Variants in PCDH15 observed in about 807,000 individuals in gnomAD.
The protein encoded by PCDH15 is protocadherin related 15.
In PCDH15, 129 loss-of-function variants were observed where a neutral mutation model predicts 178.5. That is an observed-to-expected ratio of 0.72 (90% CI 0.63 to 0.84). The LOEUF is 0.84. Among genes scored for constraint, PCDH15 ranks in the 40% least tolerant of loss-of-function variants. PCDH15 has a pLI of 0.00. For missense variants in PCDH15, 2,230 were observed against 2,099.9 expected, an observed-to-expected ratio of 1.06 and a Z score of -1.21; for synonymous variants, 800 against 732.0, an observed-to-expected ratio of 1.09 and a Z score of -1.50.
intron 2 of PCDH15, among the ~76,000 whole-genome samples, chr10:55,520,939 C>G (rs911942025): frequency 2.0e-5 from 3 of 151,748 alleles, no homozygotes; most frequent in African/African-American, 7.3e-5. Context: ...GTGTTTGTCT[C>G]TGTGTGTGTT....
chr10:55,161,879 A>C (rs1839075291), intron 2 of PCDH15, among the ~76,000 whole-genome samples: 1 of 152,164 alleles, frequency 6.6e-6, no homozygotes, highest in South Asian at 2.1e-4. Context: ...TCATCTGTTA[A>C]TATTCAACCC....
At chr10:54,567,841 A>G (rs573959181) in intron 2 of PCDH15, among the ~76,000 whole-genome samples, 2 of 152,328 alleles carry the variant, frequency 1.3e-5, no homozygotes, top group African/African-American at 2.4e-5. Context: ...AAGAAGTCAC[A>G]GAGTTACATC....
At chr10:54,031,553 G>T (rs372304532) in intron 18 of PCDH15, among the ~76,000 whole-genome samples, 1 of 129,312 alleles carries the variant, frequency 7.7e-6, no homozygotes, top group Non-Finnish European at 1.8e-5. Flanking sequence ...GGTAGAGAAG[G>T]AAAAAAAAAA....
intron 15 of PCDH15, among the ~76,000 whole-genome samples, chr10:54,120,314 T>C (rs2095193396): frequency 6.6e-6 from 1 of 152,090 alleles, no homozygotes; most frequent in African/African-American, 2.4e-5. Context: ...AAAAACATAC[T>C]TAAGTACATA....
chr10:53,824,835 T>C (rs1588953125), intron 32 of PCDH15, among the ~76,000 whole-genome samples: 1 of 152,146 alleles, frequency 6.6e-6, no homozygotes, highest in East Asian at 1.9e-4. Context: ...TATTTATAGA[T>C]TTGTAAATTT....
intron 1 of PCDH15, among the ~76,000 whole-genome samples, chr10:55,276,540 G>A (rs538302577): frequency 7.3e-5 from 11 of 150,888 alleles, no homozygotes; most frequent in Admixed American, 2.0e-4. Flanking sequence ...TTACACTAAA[G>A]CAAACTTAAA....
chr10:55,583,880 A>C (rs1842672203), intron 2 of PCDH15, among the ~76,000 whole-genome samples: 2 of 151,792 alleles, frequency 1.3e-5, no homozygotes, highest in African/African-American at 4.8e-5. Context: ...TATATATACA[A>C]TTTTTTTGTT....
At chr10:54,037,313 T>C (rs1280940058) in intron 18 of PCDH15, among the ~76,000 whole-genome samples, 1 of 151,996 alleles carries the variant, frequency 6.6e-6, no homozygotes, top group Non-Finnish European at 1.5e-5. Flanking sequence ...GAAAAAAATT[T>C]AATGAAAGCA....
chr10:55,458,729 C>T (rs1456295160), intron 2 of PCDH15, among the ~76,000 whole-genome samples: 1 of 151,912 alleles, frequency 6.6e-6, no homozygotes, highest in East Asian at 1.9e-4. Flanking sequence ...CAATAGGTAA[C>T]AGAGAAAACA....
At chr10:55,410,265 T>C (rs1291967679) in intron 2 of PCDH15, among the ~76,000 whole-genome samples, 1 of 152,142 alleles carries the variant, frequency 6.6e-6, no homozygotes, top group Non-Finnish European at 1.5e-5. Flanking sequence ...AACACTGTAT[T>C]GGCTTTCCTA....
At chr10:54,754,147 A>G (rs1946747129) in intron 1 of PCDH15, among the ~76,000 whole-genome samples, 1 of 150,984 alleles carries the variant, frequency 6.6e-6, no homozygotes, top group South Asian at 2.1e-4. Flanking sequence ...TTTACTGCCA[A>G]GAAAAGTGAC....
intron 17 of PCDH15, 53 bp downstream of exon 17, chr10:54,079,278 T>C (rs2094397182): frequency 1.4e-6 from 2 of 1,471,488 alleles, no homozygotes; most frequent in Non-Finnish European, 1.9e-6. Flanking sequence ...TTTAAGACTC[T>C]CTCAGTTGCC....
At chr10:54,279,367 A>G (rs997065) in intron 8 of PCDH15, among the ~76,000 whole-genome samples, 90,992 of 151,216 alleles carry the variant, frequency 0.6, 28,462 homozygotes, top group Middle Eastern at 0.79. Context: ...AATTATTTTA[A>G]GTGTCTCTCA....
chr10:54,318,899 CCT>C (rs1297787505), intron 7 of PCDH15, among the ~76,000 whole-genome samples: 2 of 152,102 alleles, frequency 1.3e-5, no homozygotes, highest in Non-Finnish European at 2.9e-5. Flanking sequence ...CTATAAATTT[CCT>C]CTTTCTTGTT....
At chr10:53,945,154 A>G (rs2086425501) in intron 23 of PCDH15, among the ~76,000 whole-genome samples, 1 of 152,216 alleles carries the variant, frequency 6.6e-6, no homozygotes, top group African/African-American at 2.4e-5. Flanking sequence ...AAAATTAATA[A>G]TATTTTTGTT....
intron 2 of PCDH15, among the ~76,000 whole-genome samples, chr10:55,065,472 T>A (rs760373602): frequency 3.3e-5 from 5 of 152,064 alleles, no homozygotes; most frequent in Non-Finnish European, 7.4e-5. Context: ...CCAGTCACTA[T>A]CATGTCTATC....
intron 3 of PCDH15, among the ~76,000 whole-genome samples, chr10:54,881,129 G>A (rs1220205691): frequency 1.3e-5 from 2 of 152,024 alleles, no homozygotes; most frequent in Non-Finnish European, 2.9e-5. Flanking sequence ...AGGTCTCTAT[G>A]ATCTGTGATG....
intron 1 of PCDH15, among the ~76,000 whole-genome samples, chr10:55,241,792 C>G (rs1841549239): frequency 6.6e-6 from 1 of 152,144 alleles, no homozygotes; most frequent in South Asian, 2.1e-4. Context: ...ACTTCATTTT[C>G]TTCATCAAAA....
At chr10:53,936,903 G>A (rs368412298) in intron 25 of PCDH15, among the ~76,000 whole-genome samples, 3 of 152,122 alleles carry the variant, frequency 2.0e-5, no homozygotes, top group East Asian at 1.9e-4. Flanking sequence ...TAACTAATGG[G>A]CTGGGGATTG....
Sources: allele counts gnomAD v4.1 joint callset (sites outside exome capture counted in the v4.1 genomes callset), GRCh38; gene constraint gnomAD v4.1.1; transcripts MANE v1.5; gene names NCBI Gene and HGNC (gene_info 2026-07-23, HGNC 2026-07-21).